TCOF1: variants seen among roughly 807,000 people sequenced by gnomAD.
The protein encoded by TCOF1 is treacle ribosome biogenesis factor 1, also known as treacle protein.
Under a neutral mutation model 149.0 loss-of-function variants are expected in TCOF1, and 33 were observed. The ratio of observed to expected loss-of-function variants is 0.22; its 90% CI spans 0.17 to 0.30. The LOEUF (loss-of-function observed/expected upper bound fraction) is 0.30, where lower values mean the gene tolerates loss of function less well. Among genes scored for constraint, TCOF1 ranks in the 10% least tolerant of loss-of-function variants. TCOF1 has a pLI of 1.00. For synonymous variants in TCOF1, 789 were observed against 738.8 expected (o/e 1.07, Z -1.10); for missense variants, 1,728 against 1,840.7 (o/e 0.94, Z 1.12).
At chr5:150,380,957 C>T (rs931973561) in intron 17 of TCOF1, 3 of 152,140 alleles carry the variant, frequency 2.0e-5, no homozygotes, top group Non-Finnish European at 4.4e-5. Flanking sequence ...TGCAGTGAGC[C>T]AAGATCATGC....
At chr5:150,373,871 G>A (rs571859873) in intron 7 of TCOF1, among the ~76,000 whole-genome samples, 22 of 152,302 alleles carry the variant, frequency 1.4e-4, no homozygotes, top group Middle Eastern at 3.4e-3. Flanking sequence ...CCAGTGTGCT[G>A]GGGCACCAGG....
chr5:150,387,789 G>A, intron 17 of TCOF1, 113 bp from the exon 18 acceptor site: 2 of 1,451,976 alleles, frequency 1.4e-6, no homozygotes, highest in Non-Finnish European at 1.9e-6. Context: ...GTGCCCAGCT[G>A]CCCCTGAGCT....
chr5:150,382,016 C>T (rs1261273609), intron 17 of TCOF1, among the ~76,000 whole-genome samples: 4 of 152,074 alleles, frequency 2.6e-5, no homozygotes, highest in African/African-American at 7.2e-5. Flanking sequence ...GCCAACATGG[C>T]GAAACCCCAT....
At position 150,392,089 on chromosome 5, in the gene TCOF1, G is replaced by A; in HGVS notation, c.3430G>A (p.Asp1144Asn). 6.2e-7 allele frequency: 1 copy of A among 1,614,248 alleles called. No individual in the cohort carries two copies. The highest frequency in any genetic ancestry group is 1.1e-5 in the South Asian group (1 of 91,078). The stretch of plus-strand genomic sequence containing the variant: ...GGCCACCAAAGCCCCTGAGAGCTCA[G>A]ATGACAGTGAGGACAGCAGCGACAG... The part of the protein sequence containing the change: ...QQATKAPESS[D>N]DSEDSSDSSS... The change falls in exon 21 of 27, where the codon GAT becomes AAT. Residue 1144 changes from aspartate (D) to asparagine (N), a missense_variant. By Grantham distance (23) the Asp-to-Asn change is conservative (BLOSUM62 1). This residue lies in a region of TCOF1 where 1,696 missense variants were observed against 1,765.4 expected (regional missense o/e 0.96). Coordinates refer to ENST00000643257, the MANE Select transcript of TCOF1 (RefSeq NM_001371623.1).
chr5:150,396,679 C>G lies in TCOF1; in HGVS notation c.4182C>G (p.Asp1394Glu), dbSNP rs200273817. ...STTSKGKAKR[D>E]KASGDVKEKK... ...CTTCCAAGGGGAAAGCAAAGAGAGA[C>G]AAAGCAAGTGGTGATGTCAAGGAGA... Residue 1394 changes from aspartate (D) to glutamate (E), a missense_variant, in exon 24 of 27, where the codon GAC (aspartate) becomes GAG (glutamate). Physicochemically the swap from Asp to Glu is conservative, Grantham distance 45 (BLOSUM62 2). Coordinates refer to ENST00000643257, the MANE Select transcript of TCOF1 (RefSeq NM_001371623.1). The G allele has an allele frequency of 1.2e-6, 2 of 1,612,382 alleles. No individual in the cohort carries two copies. Among genetic ancestry groups the G allele is most frequent in the Non-Finnish European group, 8.5e-7 (1 of 1,179,346 alleles).
chr5:150,383,028 C>T (rs745599084), intron 17 of TCOF1: 22 of 1,495,312 alleles, frequency 1.5e-5, no homozygotes, highest in Middle Eastern at 1.7e-4. Flanking sequence ...CCCCACTCCC[C>T]GACCACGTGC....
chr5:150,375,687 G>T (rs1763615177), intron 11 of TCOF1, 34 bp from the exon 12 acceptor site: 3 of 1,613,876 alleles, frequency 1.9e-6, no homozygotes, highest in African/African-American at 1.3e-5. Context: ...CCTACCCTGG[G>T]CTCCCTCTCC....
At position 150,384,175 on chromosome 5, in the gene TCOF1, C is replaced by T. The variant is rs1561517679; in HGVS notation, c.2860-3727C>T. 8 of 1,030,050 alleles carry T rather than the reference C, an allele frequency of 7.8e-6. No homozygotes were observed. In the South Asian group the frequency reaches 3.4e-4, roughly 44 times the overall value. 63.8% of individuals were successfully genotyped at this position (1,030,050 alleles called of 1,614,324 possible). On this transcript the variant is annotated intron_variant, in intron 17 of 26. Coordinates refer to ENST00000643257, the MANE Select transcript of TCOF1 (RefSeq NM_001371623.1). ...TCAGTAAGGTCAGATGCTGTTTGCA[C>T]ACCTCCAGCAATAGGGTGCTCACTG...
chr5:150,358,484 A>G (rs1457074971), intron 1 of TCOF1, among the ~76,000 whole-genome samples: 2 of 152,216 alleles, frequency 1.3e-5, no homozygotes, highest in Non-Finnish European at 2.9e-5. Context: ...CTAGTAAGGT[A>G]GACAAATCAA....
At position 150,379,789 on chromosome 5, in the gene TCOF1, G is replaced by C. The variant is rs562970382; in HGVS notation, c.2859+57G>C. ...ACTCACTCCTCAGAACGGGGGTATAGGGCTGGGCGTGGTGGCTCACACCTG... is the reference window on the plus strand; with the variant it reads ...ACTCACTCCTCAGAACGGGGGTATACGGCTGGGCGTGGTGGCTCACACCTG... On this transcript the variant is annotated intron_variant, in intron 17 of 26. Coordinates refer to ENST00000643257, the MANE Select transcript of TCOF1 (RefSeq NM_001371623.1). The C allele has an allele frequency of 1.9e-6, 3 of 1,585,978 alleles. No homozygotes were observed. In the African/African-American group the frequency reaches 4.0e-5, roughly 21 times the overall value.
chr5:150,360,938 G>C (rs1759930236), intron 1 of TCOF1, among the ~76,000 whole-genome samples: 1 of 151,800 alleles, frequency 6.6e-6, no homozygotes, highest in Non-Finnish European at 1.5e-5. Flanking sequence ...GTCTCACTAT[G>C]TTGCCCAGAC....
Position 150,371,649 on chromosome 5 carries a change from T to G in TCOF1, c.640-357T>G, listed in dbSNP as rs139732275. ...GCTGCTGTGATCAGATACTTGAGTTTAAGGGGCAGACAGGATGCGCTCTCC... is the reference window on the plus strand; with the variant it reads ...GCTGCTGTGATCAGATACTTGAGTTGAAGGGGCAGACAGGATGCGCTCTCC... On this transcript the variant is annotated intron_variant, in intron 6 of 26. Transcript: ENST00000643257. Among the ~76,000 whole-genome samples the G allele has an allele frequency of 6.3e-3, 962 of 152,256 alleles. 4 individuals are homozygous for G. Among genetic ancestry groups the G allele is most frequent in the Middle Eastern group, 0.02 (6 of 294 alleles).
intron 7 of TCOF1, among the ~76,000 whole-genome samples, chr5:150,372,602 T>G (rs1762792177): frequency 6.6e-6 from 1 of 151,682 alleles, no homozygotes; most frequent in Non-Finnish European, 1.5e-5. Flanking sequence ...CTGCTGGGAG[T>G]GGGCAGGGCT....
At position 150,390,017 on chromosome 5, in the gene TCOF1, C is replaced by G; in HGVS notation, c.3177C>G (p.Ala1059=). ...ISDGKKQEGP[A]TQVSKKNPAS... Reference sequence around the variant, plus strand: ...ATGGCAAGAAACAGGAGGGACCAGCCACTCAGGTACCTGGTGGGCAAGGGA... The same window carrying G: ...ATGGCAAGAAACAGGAGGGACCAGCGACTCAGGTACCTGGTGGGCAAGGGA... Residue 1059 remains alanine, a synonymous_variant, in exon 19 of 27, where the codon GCC becomes GCG. Coordinates refer to ENST00000643257, the MANE Select transcript of TCOF1 (RefSeq NM_001371623.1). The G allele has an allele frequency of 6.2e-7, 1 of 1,609,688 alleles. No homozygotes were observed. The highest frequency in any genetic ancestry group is 8.5e-7 in the Non-Finnish European group (1 of 1,177,946).
intron 2 of TCOF1, 35 bp downstream of exon 2, chr5:150,361,246 G>A (rs1346901948): frequency 1.1e-5 from 17 of 1,611,822 alleles, no homozygotes; most frequent in African/African-American, 5.3e-5. Context: ...GAGTAGGGAC[G>A]GACACCCCAA....
intron 25 of TCOF1, 92 bp downstream of exon 25, chr5:150,398,543 A>G (rs1769069191): frequency 1.9e-6 from 3 of 1,589,338 alleles, no homozygotes; most frequent in East Asian, 2.2e-5. Flanking sequence ...CCCCCTTCCC[A>G]TTTTCGGGGC....
Position 150,376,176 on chromosome 5 carries a change from C to T in TCOF1, c.1988C>T (p.Thr663Ile), listed in dbSNP as rs751370634. The T allele has an allele frequency of 1.9e-6, 3 of 1,614,178 alleles. No individual in the cohort carries two copies. The highest frequency in any genetic ancestry group is 2.5e-6 in the Non-Finnish European group (3 of 1,180,016). Residue 663 changes from threonine to isoleucine, a missense_variant, in exon 13 of 27, where the codon ACC (threonine) becomes ATC (isoleucine). Thr to Ile is a moderately conservative substitution (Grantham distance 89). Coordinates refer to ENST00000643257, the MANE Select transcript of TCOF1 (RefSeq NM_001371623.1). Reference sequence around the variant, plus strand: ...AAGGTCGCCCCTGTGCGAGTGGGCACCCAAGCCCCCCGGAAAGCAGGAACT... The same window carrying T: ...AAGGTCGCCCCTGTGCGAGTGGGCATCCAAGCCCCCCGGAAAGCAGGAACT... ...SAKVAPVRVG[T>I]QAPRKAGTAT...
At chr5:150,398,560 G>A (rs1202719612) in intron 25 of TCOF1, 109 bp downstream of exon 25, 21 of 1,527,190 alleles carry the variant, frequency 1.4e-5, no homozygotes, top group Non-Finnish European at 1.9e-5. Flanking sequence ...GGGCCCAGTC[G>A]GGGGCGTCAG....
chr5:150,391,916 C>T, intron 20 of TCOF1, 41 bp from the exon 21 acceptor site: 1 of 1,604,336 alleles, frequency 6.2e-7, no homozygotes, highest in Non-Finnish European at 8.5e-7. Context: ...TCTTACTTGC[C>T]CTAATTTTTC....
Sources: gnomAD v4.1 joint callset for allele counts (sites outside exome capture counted in the v4.1 genomes callset) on GRCh38, gnomAD v4.1.1 for gene constraint, gnomAD v4.1.1 regional missense constraint, MANE v1.5 for transcripts, NCBI Gene and HGNC (gene_info 2026-07-23, HGNC 2026-07-21) for gene names.